ITPR2: variants seen among roughly 807,000 people sequenced by gnomAD.
ITPR2 encodes inositol 1,4,5-trisphosphate-gated calcium channel ITPR2.
ITPR2 carries 207 observed loss-of-function variants against 317.1 expected under a neutral mutation model. The ratio of observed to expected loss-of-function variants is 0.65; its 90% CI spans 0.58 to 0.73. The LOEUF is 0.73. ITPR2 is among the 30% of genes least tolerant of loss of function. The pLI, the probability that ITPR2 is intolerant of heterozygous loss-of-function variation, is 0.00. For missense variants in ITPR2, 2,613 were observed against 3,284.0 expected, an observed-to-expected ratio of 0.80 and a Z score of 4.99; for synonymous variants, 1,156 against 1,149.1, an observed-to-expected ratio of 1.01 and a Z score of -0.12.
chr12:26,602,582 A>G (rs755458532), intron 27 of ITPR2, 35 bp downstream of exon 27: 2 of 1,575,494 alleles, frequency 1.3e-6, no homozygotes, highest in East Asian at 2.2e-5. Context: ...GCATGCAAAT[A>G]TAAACCTATA....
In ITPR2 at chr12:26,602,627, A is replaced by G; in HGVS notation, c.3542T>C (p.Ile1181Thr). The change falls in exon 27 of 57, where the codon ATT (isoleucine) becomes ACT (threonine). Residue 1181 changes from isoleucine (I) to threonine (T), a missense_variant. Physicochemically the swap from Ile to Thr is moderately conservative, Grantham distance 89 (BLOSUM62 -1). This residue lies in a region of ITPR2 where 817 missense variants were observed against 897.6 expected (regional missense o/e 0.91). Coordinates refer to ENST00000381340, the MANE Select transcript of ITPR2 (RefSeq NM_002223.4). ...IDSNKSNNYR[I>T]VKEILIRLSK... ...TTTGTATCTGCCGACCTCCTTTACA[A>G]TCCGGTAGTTATTGCTCTTGTTGCT... The G allele has an allele frequency of 6.2e-7, 1 of 1,609,446 alleles. No homozygotes were observed. Among genetic ancestry groups the G allele is most frequent in the South Asian group, 1.1e-5 (1 of 90,618 alleles).
intron 12 of ITPR2, among the ~76,000 whole-genome samples, 179 bp downstream of exon 12, chr12:26,682,395 C>A (rs1448040349): frequency 6.6e-6 from 1 of 152,230 alleles, no homozygotes; most frequent in East Asian, 1.9e-4. Flanking sequence ...CTGCCTCCAA[C>A]CCATTTAGAT....
At chr12:26,789,875 A>G (rs1017728130) in intron 2 of ITPR2, among the ~76,000 whole-genome samples, 5 of 152,254 alleles carry the variant, frequency 3.3e-5, no homozygotes, top group Admixed American at 1.3e-4. Context: ...GTTCAGCTGC[A>G]TTTACTGGCT....
chr12:26,832,670 A>C lies in ITPR2; in HGVS notation c.92+20T>G. 1 of 1,574,364 alleles carries C rather than the reference A, an allele frequency of 6.4e-7. No individual in the cohort carries two copies. The highest frequency in any genetic ancestry group is 1.1e-5 in the South Asian group (1 of 88,218). ...AGGACCCGGAGCGCGAGCGCTGCCCAGCCCTCGTCTCCCGCTTACCCCAAG... is the reference window on the plus strand; with the variant it reads ...AGGACCCGGAGCGCGAGCGCTGCCCCGCCCTCGTCTCCCGCTTACCCCAAG... On this transcript the variant is annotated intron_variant, in intron 1 of 56. Coordinates refer to ENST00000381340, the MANE Select transcript of ITPR2 (RefSeq NM_002223.4).
At chr12:26,520,252 T>C (rs1262427494) in intron 37 of ITPR2, among the ~76,000 whole-genome samples, 3 of 152,214 alleles carry the variant, frequency 2.0e-5, no homozygotes, top group Non-Finnish European at 4.4e-5. Flanking sequence ...TCTACTTTGC[T>C]GGCTACATCT....
At chr12:26,615,241 A>T (rs1946350605) in intron 26 of ITPR2, among the ~76,000 whole-genome samples, 2 of 152,198 alleles carry the variant, frequency 1.3e-5, no homozygotes, top group Admixed American at 1.3e-4. Flanking sequence ...CCACATACAG[A>T]CCATAAAACA....
chr12:26,626,817 T>C (rs1004966777), intron 23 of ITPR2, among the ~76,000 whole-genome samples: 4 of 152,232 alleles, frequency 2.6e-5, no homozygotes, highest in African/African-American at 9.6e-5. Flanking sequence ...GAGTTCCTAA[T>C]GTCACAGTGG....
rs139048420 is a variant in ITPR2 at position 26,706,185 on chromosome 12, T to C, written c.951+4988A>G. Among the ~76,000 whole-genome samples the C allele has an allele frequency of 3.9e-5, 6 of 152,340 alleles. No homozygotes were observed. In the East Asian group the frequency reaches 1.2e-3, roughly 29 times the overall value. On this transcript the variant is annotated intron_variant, in intron 9 of 56. Transcript: ENST00000381340. ...TGAGCAACTTGAAATGTGGCTGTTG[T>C]GAATGAGAAACTGACTTTTTAATTT... is the stretch of plus-strand genomic sequence containing the variant.
At chr12:26,682,541 G>A (rs754446050) in intron 12 of ITPR2, 33 bp downstream of exon 12, 2 of 1,338,464 alleles carry the variant, frequency 1.5e-6, no homozygotes, top group Non-Finnish European at 2.1e-6. Flanking sequence ...ATGGCATTTG[G>A]CTGAAAATTA....
chr12:26,715,282 A>G lies in ITPR2; in HGVS notation c.855+17T>C. 6.3e-7 allele frequency: 1 copy of G among 1,598,308 alleles called. No individual in the cohort carries two copies. Among genetic ancestry groups the G allele is most frequent in the South Asian group, 1.1e-5 (1 of 88,936 alleles). Reference sequence around the variant, plus strand: ...TTGATCTAAATATTTATTAAGTGCCAAAAAACATTTACATACCTCTATTTC... The same window carrying G: ...TTGATCTAAATATTTATTAAGTGCCGAAAAACATTTACATACCTCTATTTC... On this transcript the variant is annotated intron_variant, in intron 8 of 56. Transcript: ENST00000381340.
intron 1 of ITPR2, among the ~76,000 whole-genome samples, chr12:26,802,771 G>C (rs983275747): frequency 3.3e-5 from 5 of 151,974 alleles, no homozygotes; most frequent in Admixed American, 6.6e-5. Context: ...AATTCTAAAT[G>C]TATATGTAAC....
chr12:26,378,126 T>C (rs1479916457), intron 55 of ITPR2, among the ~76,000 whole-genome samples: 1 of 152,082 alleles, frequency 6.6e-6, no homozygotes, highest in Non-Finnish European at 1.5e-5. Flanking sequence ...GAAGTGTAAA[T>C]GCCTTAATGG....
intron 24 of ITPR2, 110 bp from the exon 25 acceptor site, chr12:26,622,515 T>C: frequency 1.2e-6 from 1 of 816,932 alleles, no homozygotes; most frequent in South Asian, 2.6e-5. Context: ...TTTACCAAAT[T>C]AGGAAGTGAA....
chr12:26,745,926 C>T (rs1949314655), intron 2 of ITPR2, among the ~76,000 whole-genome samples: 1 of 152,094 alleles, frequency 6.6e-6, no homozygotes, highest in African/African-American at 2.4e-5. Flanking sequence ...CTGATTATAT[C>T]AGCTCACAAG....
chr12:26,697,028 G>A lies in ITPR2; in HGVS notation c.952-1378C>T, dbSNP rs866966492. On this transcript the variant is annotated intron_variant, in intron 9 of 56. Transcript: ENST00000381340. Reference sequence around the variant, plus strand: ...GAAAAGGAATGCCGTATGCTGGAATGACATTGCATGATGATGCAGAAATAG... The same window carrying A: ...GAAAAGGAATGCCGTATGCTGGAATAACATTGCATGATGATGCAGAAATAG... Among the ~76,000 whole-genome samples the A allele has an allele frequency of 6.6e-5, 10 of 152,328 alleles. No homozygotes were observed. The South Asian group carries it at 1.9e-3, about 28-fold the overall frequency.
intron 1 of ITPR2, among the ~76,000 whole-genome samples, chr12:26,798,394 G>T (rs768082254): frequency 7.2e-5 from 11 of 152,086 alleles, no homozygotes; most frequent in Non-Finnish European, 1.3e-4. Flanking sequence ...TCCTTCACTA[G>T]CGCCCTCTGA....
rs115918115 is a variant in ITPR2 at position 26,417,916 on chromosome 12, G to C, written c.7110+1133C>G. On this transcript the variant is annotated intron_variant, in intron 50 of 56. Coordinates refer to ENST00000381340, the MANE Select transcript of ITPR2 (RefSeq NM_002223.4). Reference sequence around the variant, plus strand: ...AATATTACATGTCAGTCAGGTAAAAGTGCTGGGTATAATAGGACTTTATGT... The same window carrying C: ...AATATTACATGTCAGTCAGGTAAAACTGCTGGGTATAATAGGACTTTATGT... Among the ~76,000 whole-genome samples the C allele has an allele frequency of 2.1e-3, 322 of 152,274 alleles. 1 individual carries two copies. Among genetic ancestry groups the C allele is most frequent in the African/African-American group, 7.4e-3 (309 of 41,570 alleles).
chr12:26,498,531 G>A (rs961901637), intron 37 of ITPR2, among the ~76,000 whole-genome samples: 2 of 152,140 alleles, frequency 1.3e-5, no homozygotes, highest in African/African-American at 4.8e-5. Context: ...TAAACTACAG[G>A]GTTGAAGTTA....
intron 2 of ITPR2, among the ~76,000 whole-genome samples, chr12:26,760,559 G>A (rs1220286174): frequency 6.6e-6 from 1 of 152,068 alleles, no homozygotes; most frequent in East Asian, 1.9e-4. Flanking sequence ...GTGTGATTCT[G>A]GAGAGAAGTA....
Sources: gnomAD v4.1 joint callset for allele counts (sites outside exome capture counted in the v4.1 genomes callset) on GRCh38, gnomAD v4.1.1 for gene constraint, gnomAD v4.1.1 regional missense constraint, MANE v1.5 for transcripts, NCBI Gene and HGNC (gene_info 2026-07-23, HGNC 2026-07-21) for gene names.